The following ARHGAP18 variants were observed in gnomAD, a reference collection of about 807,000 sequenced individuals.
ARHGAP18 encodes the protein rho GTPase-activating protein 18.
In ARHGAP18, 67 loss-of-function variants were observed where a neutral mutation model predicts 86.2. That is an observed-to-expected ratio of 0.78 (90% confidence interval 0.64 to 0.95). The LOEUF is 0.95. Among genes scored for constraint, ARHGAP18 ranks in the 40% least tolerant of loss-of-function variants. ARHGAP18 has a pLI of 0.00. For synonymous variants in ARHGAP18, 283 were observed against 280.4 expected (o/e 1.01, Z -0.09); for missense variants, 691 against 780.4 (o/e 0.89, Z 1.37).
At chr6:129,639,970 G>C (rs1254208557) in intron 2 of ARHGAP18, among the ~76,000 whole-genome samples, 2 of 150,520 alleles carry the variant, frequency 1.3e-5, no homozygotes, top group African/African-American at 2.4e-5. Context: ...TCTTGAACCT[G>C]GGAGGCAGAG....
chr6:129,677,351 C>T lies in ARHGAP18; in HGVS notation c.113+32673G>A, dbSNP rs140396002. ...GAGCTTGCAGTGAGCCGAGATCGCA[C>T]CACTGCAGTCCGGCCCTGGCGAAAG... On this transcript the variant is annotated intron_variant, in intron 1 of 14. Transcript: ENST00000368149. Among the ~76,000 whole-genome samples, 903 of 152,100 alleles carry T rather than the reference C, an allele frequency of 5.9e-3. 13 individuals are homozygous for T. Among genetic ancestry groups the T allele is most frequent in the African/African-American group, 0.021 (868 of 41,462 alleles).
At chr6:129,594,210 G>A (rs779720846) in intron 12 of ARHGAP18, among the ~76,000 whole-genome samples, 3 of 152,110 alleles carry the variant, frequency 2.0e-5, no homozygotes, top group Non-Finnish European at 2.9e-5. Flanking sequence ...AATTACCATT[G>A]ACAATGCTTT....
In ARHGAP18 at chr6:129,646,517, A is replaced by G. The variant is rs117704304; in HGVS notation, c.114-4499T>C. Among the ~76,000 whole-genome samples the G allele has an allele frequency of 1.1e-3, 161 of 152,306 alleles. No homozygotes were observed. In the Middle Eastern group the frequency reaches 0.034, roughly 32 times the overall value. On this transcript the variant is annotated intron_variant, in intron 1 of 14. Coordinates refer to ENST00000368149, the MANE Select transcript of ARHGAP18 (RefSeq NM_033515.3). ...CAAAGAGCTTTGGCTTATGTAGGCGATATCTACTGATATTTATAATATTAA... is the reference window on the plus strand; with the variant it reads ...CAAAGAGCTTTGGCTTATGTAGGCGGTATCTACTGATATTTATAATATTAA...
At chr6:129,643,105 A>G (rs1773503692) in intron 1 of ARHGAP18, among the ~76,000 whole-genome samples, 1 of 151,974 alleles carries the variant, frequency 6.6e-6, no homozygotes, top group Admixed American at 6.5e-5. Context: ...ATAAAAACCT[A>G]TATATAATAA....
At chr6:129,590,517 GAGTAC>G (rs1209765801) in intron 12 of ARHGAP18, among the ~76,000 whole-genome samples, 3 of 152,116 alleles carry the variant, frequency 2.0e-5, no homozygotes, top group African/African-American at 7.2e-5. Context: ...GAAGCAGCAT[GAGTAC>G]TCTCCTACAG....
chr6:129,583,836 C>T, intron 13 of ARHGAP18, 152 bp downstream of exon 13: 1 of 959,742 alleles, frequency 1.0e-6, no homozygotes, highest in South Asian at 1.8e-5. Flanking sequence ...CTGCTGTTCT[C>T]TTCTGCTGGG....
intron 2 of ARHGAP18, among the ~76,000 whole-genome samples, chr6:129,640,061 A>AC (rs1554337879): frequency 2.2e-5 from 3 of 138,432 alleles, no homozygotes; most frequent in African/African-American, 5.3e-5. Context: ...AAAAAAAAAA[A>AC]AAACAAACAA....
At chr6:129,675,613 A>G (rs1029033412) in intron 1 of ARHGAP18, among the ~76,000 whole-genome samples, 4 of 152,192 alleles carry the variant, frequency 2.6e-5, no homozygotes, top group African/African-American at 9.6e-5. Flanking sequence ...CATCTCTTGC[A>G]GCACAGCCAC....
intron 4 of ARHGAP18, among the ~76,000 whole-genome samples, chr6:129,631,785 T>C (rs72984755): frequency 0.014 from 2,177 of 152,128 alleles, 24 homozygotes; most frequent in Non-Finnish European, 0.025. Context: ...AGATTTTTCT[T>C]TCCTCTGTAG....
At chr6:129,594,730 A>C (rs1788582097) in intron 12 of ARHGAP18, among the ~76,000 whole-genome samples, 1 of 152,136 alleles carries the variant, frequency 6.6e-6, no homozygotes, top group Non-Finnish European at 1.5e-5. Flanking sequence ...TTCTTCTTCC[A>C]CATTCTTCAC....
In ARHGAP18 at chr6:129,578,557, G is replaced by A; in HGVS notation, c.1948C>T (p.Leu650Phe). ...DDTYMKDLYQLNPNAEWVIKS... is the reference protein window; with the variant it reads ...DDTYMKDLYQFNPNAEWVIKS... ...ATAACCCACTCAGCATTTGGGTTAA[G>A]CTGATATAAATCCTTCATGTAAGTG... The change falls in exon 15 of 15, where the codon CTT (leucine) becomes TTT (phenylalanine). Residue 650 changes from leucine (L) to phenylalanine (F), a missense_variant. By Grantham distance (22) the Leu-to-Phe change is conservative. Transcript: ENST00000368149. 1 of 1,612,464 alleles carries A rather than the reference G, an allele frequency of 6.2e-7. No homozygotes were observed. Among genetic ancestry groups the A allele is most frequent in the Non-Finnish European group, 8.5e-7 (1 of 1,178,996 alleles).
At chr6:129,616,667 G>T (rs1789105154) in intron 6 of ARHGAP18, among the ~76,000 whole-genome samples, 1 of 152,158 alleles carries the variant, frequency 6.6e-6, no homozygotes. Context: ...GCAAATATTG[G>T]CCAGGTGCAG....
chr6:129,652,023 C>G (rs919731700), intron 1 of ARHGAP18, among the ~76,000 whole-genome samples: 3 of 152,192 alleles, frequency 2.0e-5, no homozygotes, highest in African/African-American at 7.2e-5. Context: ...ACACCCAATC[C>G]ACCAGCCCTT....
chr6:129,627,294 AAAT>A (rs1488876092), intron 5 of ARHGAP18, among the ~76,000 whole-genome samples: 1 of 152,118 alleles, frequency 6.6e-6, no homozygotes, highest in Non-Finnish European at 1.5e-5. Context: ...CCAAATTAAT[AAAT>A]AAAAAGAAAA....
At chr6:129,674,950 T>A (rs1172251505) in intron 1 of ARHGAP18, among the ~76,000 whole-genome samples, 2 of 152,220 alleles carry the variant, frequency 1.3e-5, no homozygotes, top group Non-Finnish European at 1.5e-5. Context: ...TTCTTCATTT[T>A]AAAAATTTTG....
chr6:129,633,823 C>A (rs181682632), intron 4 of ARHGAP18, among the ~76,000 whole-genome samples: 1 of 152,050 alleles, frequency 6.6e-6, no homozygotes, highest in Admixed American at 6.6e-5. Context: ...CAGGAAGATA[C>A]GTATACGCAT....
chr6:129,687,619 T>C (rs1774452124), intron 1 of ARHGAP18, among the ~76,000 whole-genome samples: 1 of 152,186 alleles, frequency 6.6e-6, no homozygotes, highest in Non-Finnish European at 1.5e-5. Flanking sequence ...CAACAATTCA[T>C]ACAAGGTGCC....
chr6:129,578,929 A>C (rs1405137278), intron 14 of ARHGAP18, among the ~76,000 whole-genome samples: 1 of 152,134 alleles, frequency 6.6e-6, no homozygotes, highest in Non-Finnish European at 1.5e-5. Flanking sequence ...GCGCCACTGC[A>C]CTTCAGCCTG....
At chr6:129,655,092 G>C (rs1271903663) in intron 1 of ARHGAP18, among the ~76,000 whole-genome samples, 1 of 152,090 alleles carries the variant, frequency 6.6e-6, no homozygotes, top group Non-Finnish European at 1.5e-5. Context: ...AGGCCAAGGC[G>C]GGCAGATCAC....
Sources: gnomAD v4.1 joint callset for allele counts (sites outside exome capture counted in the v4.1 genomes callset) on GRCh38, gnomAD v4.1.1 for gene constraint, MANE v1.5 for transcripts, NCBI Gene and HGNC (gene_info 2026-07-23, HGNC 2026-07-21) for gene names.